The following FTO variants were observed in gnomAD, a reference collection of about 807,000 sequenced individuals.
FTO encodes FTO alpha-ketoglutarate dependent dioxygenase.
FTO carries 47 observed loss-of-function variants against 63.9 expected under a neutral mutation model. The ratio of observed to expected loss-of-function variants is 0.74; its 90% CI spans 0.58 to 0.94. FTO has a LOEUF of 0.94. Among genes scored for constraint, FTO ranks in the 40% least tolerant of loss-of-function variants. The pLI is 0.00. For missense variants in FTO, 562 were observed against 618.1 expected (o/e 0.91, Z 0.96); for synonymous variants, 207 against 224.4 (o/e 0.92, Z 0.69).
chr16:53,887,150 T>G (rs2081021148), intron 6 of FTO, among the ~76,000 whole-genome samples: 1 of 152,228 alleles, frequency 6.6e-6, no homozygotes, highest in South Asian at 2.1e-4. Flanking sequence ...TAAGAACAGC[T>G]TCAGGAATAG....
chr16:53,799,473 A>G (rs963308041), intron 1 of FTO, among the ~76,000 whole-genome samples: 3 of 151,970 alleles, frequency 2.0e-5, no homozygotes, highest in African/African-American at 7.3e-5. Context: ...TATCCCTGGC[A>G]TATAGTGGGT....
At chr16:53,831,882 G>A (rs536574116) in intron 3 of FTO, among the ~76,000 whole-genome samples, 9 of 152,268 alleles carry the variant, frequency 5.9e-5, no homozygotes, top group African/African-American at 1.9e-4. Flanking sequence ...TGAAGACAAA[G>A]GGACAAGTAA....
At chr16:53,774,937 G>C (rs1183221367) in intron 1 of FTO, among the ~76,000 whole-genome samples, 2 of 152,148 alleles carry the variant, frequency 1.3e-5, no homozygotes, top group Non-Finnish European at 2.9e-5. Flanking sequence ...ATTGCCTCAT[G>C]ACTATGTTGC....
intron 1 of FTO, among the ~76,000 whole-genome samples, chr16:53,739,405 G>A (rs1169589553): frequency 6.8e-6 from 1 of 146,576 alleles, no homozygotes; most frequent in Non-Finnish European, 1.5e-5. Flanking sequence ...TAGTAGAGAT[G>A]GGGTTTTACC....
intron 1 of FTO, among the ~76,000 whole-genome samples, chr16:53,767,597 A>G (rs2077241173): frequency 6.6e-6 from 1 of 151,886 alleles, no homozygotes; most frequent in East Asian, 1.9e-4. Context: ...TTTTTTTTAA[A>G]CAGGGGAAGG....
chr16:53,723,483 T>A (rs145498830), intron 1 of FTO, among the ~76,000 whole-genome samples: 54 of 152,292 alleles, frequency 3.5e-4, no homozygotes, highest in African/African-American at 1.3e-3. Context: ...ACGGGTCACC[T>A]GGTTGGGTCA....
rs1319847081 is a variant in FTO, at chr16:53,704,176, A to G, written c.-9A>G. 3 of 1,551,560 alleles carry G rather than the reference A, an allele frequency of 1.9e-6. No homozygotes were observed. Among genetic ancestry groups the G allele is most frequent in the Non-Finnish European group, 2.6e-6 (3 of 1,146,878 alleles). ...AGCTTGCGGTGGCGAAGGCGGCTTT[A>G]GTGGCAGCATGAAGCGCACCCCGAC... On this transcript the variant is annotated 5_prime_UTR_variant, in exon 1 of 9. Transcript: ENST00000471389.
chr16:54,057,029 A>G (rs1389119141), intron 8 of FTO, among the ~76,000 whole-genome samples: 1 of 152,192 alleles, frequency 6.6e-6, no homozygotes, highest in Admixed American at 6.5e-5. Flanking sequence ...CAAAGAACTC[A>G]CAGTCTAGGA....
upstream of FTO, chr16:53,704,085 C>T (rs192519934): frequency 3.6e-4 from 442 of 1,236,780 alleles, 1 homozygote; most frequent in Non-Finnish European, 3.0e-5. Flanking sequence ...AGAATAGCTC[C>T]AGACGGGAGC....
intron 4 of FTO, among the ~76,000 whole-genome samples, chr16:53,868,223 T>C (rs542669009): frequency 6.6e-6 from 1 of 152,308 alleles, no homozygotes; most frequent in Admixed American, 6.5e-5. Flanking sequence ...ATCTACCATA[T>C]TTGTTAATGT....
At chr16:53,985,537 G>C (rs1477239646) in intron 8 of FTO, among the ~76,000 whole-genome samples, 2 of 152,138 alleles carry the variant, frequency 1.3e-5, no homozygotes, top group African/African-American at 4.8e-5. Context: ...TGAGATTAGA[G>C]CACTGTGTGT....
At chr16:53,846,425 C>T (rs188426219) in intron 4 of FTO, among the ~76,000 whole-genome samples, 15 of 152,042 alleles carry the variant, frequency 9.9e-5, no homozygotes, top group African/African-American at 3.4e-4. Flanking sequence ...ATACTTTGTT[C>T]AGAAGTTTCT....
rs181201264 is a variant in FTO at position 53,846,631 on chromosome 16, C to T, written c.895+2333C>T. ...GCCTGGCCAACTTGATGAAACCCCC[C>T]GTCTCCACTAAAAATAAAAAATTAG... On this transcript the variant is annotated intron_variant, in intron 4 of 8. Transcript: ENST00000471389. Among the ~76,000 whole-genome samples, 571 of 151,802 alleles carry T rather than the reference C, an allele frequency of 3.8e-3. 24 individuals are homozygous for T. The highest frequency in any genetic ancestry group is 0.034 in the Admixed American group (521 of 15,258).
chr16:53,877,858 G>A (rs1362571), intron 5 of FTO, among the ~76,000 whole-genome samples: 3 of 151,964 alleles, frequency 2.0e-5, no homozygotes, highest in South Asian at 4.1e-4. Flanking sequence ...GCAACCATAC[G>A]TCATTAAACT....
chr16:54,109,104 C>T (rs1269084004), intron 8 of FTO, among the ~76,000 whole-genome samples: 1 of 152,164 alleles, frequency 6.6e-6, no homozygotes, highest in East Asian at 1.9e-4. Flanking sequence ...CCTCCAATAA[C>T]GAGCGCTCTG....
At chr16:53,933,895 C>T in intron 7 of FTO, 90 bp from the exon 8 acceptor site, 1 of 1,282,756 alleles carries the variant, frequency 7.8e-7, no homozygotes, top group Non-Finnish European at 1.1e-6. Flanking sequence ...ATAAAAAAGC[C>T]ATTGATTTAC....
At chr16:53,752,887 G>A (rs2076831944) in intron 1 of FTO, among the ~76,000 whole-genome samples, 1 of 150,808 alleles carries the variant, frequency 6.6e-6, no homozygotes, top group African/African-American at 2.4e-5. Context: ...AAGGTATAAA[G>A]GGTGTACAAT....
chr16:53,878,864 T>G (rs2080742670), intron 5 of FTO, among the ~76,000 whole-genome samples: 1 of 152,224 alleles, frequency 6.6e-6, no homozygotes, highest in South Asian at 2.1e-4. Flanking sequence ...TACTAAGTTA[T>G]GCCTTTGAAT....
chr16:53,887,061 T>G (rs2081018223), intron 6 of FTO: 1 of 152,218 alleles, frequency 6.6e-6, no homozygotes, highest in Admixed American at 6.5e-5. Flanking sequence ...TTTCCATAGG[T>G]TAACTCAGCC....
Sources: allele counts gnomAD v4.1 joint callset (sites outside exome capture counted in the v4.1 genomes callset), GRCh38; gene constraint gnomAD v4.1.1; transcripts MANE v1.5; gene names NCBI Gene and HGNC (gene_info 2026-07-23, HGNC 2026-07-21).